ADAM29: variants seen among roughly 807,000 people sequenced by gnomAD.
The protein encoded by ADAM29 is ADAM metallopeptidase domain 29.
For synonymous variants in ADAM29, 367 were observed against 342.3 expected (o/e 1.07, Z -0.80); for missense variants, 969 against 1,001.8 (o/e 0.97, Z 0.44).
In ADAM29 at chr4:174,976,927, T is replaced by C; in HGVS notation, c.1402T>C (p.Cys468Arg). 3.7e-6 allele frequency: 6 copies of C among 1,614,082 alleles called. No individual in the cohort carries two copies. The highest frequency in any genetic ancestry group is 5.1e-6 in the Non-Finnish European group (6 of 1,180,016). Residue 468 changes from cysteine to arginine, a missense_variant, in exon 5 of 5, where the codon TGC becomes CGC. Coordinates refer to ENST00000359240, the MANE Select transcript of ADAM29 (RefSeq NM_014269.4). ...CAATGAATGTGATCTTCCAGAGTGG[T>C]GCAATGGTACTTCCCATAAGTGCCC... ...EVNECDLPEW[C>R]NGTSHKCPDD...
chr4:174,933,347 C>T (rs73869046), intron 3 of ADAM29, among the ~76,000 whole-genome samples: 25,046 of 151,908 alleles, frequency 0.16, 2,409 homozygotes, highest in East Asian at 0.26. Context: ...TTTGAAGTGA[C>T]AAAGAATACT....
chr4:174,946,169 A>G (rs1744838834), intron 4 of ADAM29, among the ~76,000 whole-genome samples: 2 of 152,124 alleles, frequency 1.3e-5, no homozygotes, highest in Admixed American at 1.3e-4. Flanking sequence ...GACTTCTTTC[A>G]GCAGTGTTAT....
At position 174,976,884 on chromosome 4, in the gene ADAM29, A is replaced by G; in HGVS notation, c.1359A>G (p.Lys453=). The G allele has an allele frequency of 6.2e-7, 1 of 1,614,166 alleles. No individual in the cohort carries two copies. The change falls in exon 5 of 5, where the codon AAA becomes AAG. Residue 453 remains lysine, a synonymous_variant. Transcript: ENST00000359240. ...ACTGCAAGTTCCTACCATCAGGGAA[A>G]GTGTGTAGAAAGGAGGTCAATGAAT... ...CKDCKFLPSG[K]VCRKEVNECD... is the part of the protein sequence containing the mutation.
At chr4:174,921,979 G>A (rs1743188959) in intron 2 of ADAM29, among the ~76,000 whole-genome samples, 1 of 152,072 alleles carries the variant, frequency 6.6e-6, no homozygotes, top group Non-Finnish European at 1.5e-5. Context: ...TTAATTTAAA[G>A]TTCAAACTCA....
At chr4:174,946,587 G>A (rs4695985) in intron 4 of ADAM29, among the ~76,000 whole-genome samples, 107,349 of 152,010 alleles carry the variant, frequency 0.71, 39,306 homozygotes, top group Middle Eastern at 0.8. Flanking sequence ...TTTCAAGGGG[G>A]ATGCTTCCAG....
intron 4 of ADAM29, among the ~76,000 whole-genome samples, chr4:174,955,778 C>G (rs1240405466): frequency 6.6e-6 from 1 of 152,008 alleles, no homozygotes; most frequent in East Asian, 1.9e-4. Context: ...TAAGCCTTTA[C>G]TAACCCTTTA....
chr4:174,947,158 G>A (rs79267686), intron 4 of ADAM29, among the ~76,000 whole-genome samples: 3,331 of 151,546 alleles, frequency 0.022, 55 homozygotes, highest in Non-Finnish European at 0.037. Flanking sequence ...AGTCTATCTA[G>A]CAGTCTATTA....
intron 3 of ADAM29, among the ~76,000 whole-genome samples, chr4:174,933,955 A>G (rs1195657849): frequency 6.6e-6 from 1 of 152,152 alleles, no homozygotes; most frequent in Admixed American, 6.6e-5. Flanking sequence ...TTGTGTCTTT[A>G]TAGGAGAATG....
At chr4:174,961,630 A>T (rs1745827140) in intron 4 of ADAM29, among the ~76,000 whole-genome samples, 1 of 152,156 alleles carries the variant, frequency 6.6e-6, no homozygotes, top group Non-Finnish European at 1.5e-5. Context: ...ATACATTCCA[A>T]ATTTAAAACA....
At chr4:174,955,316 G>A (rs1270849140) in intron 4 of ADAM29, among the ~76,000 whole-genome samples, 3 of 151,916 alleles carry the variant, frequency 2.0e-5, no homozygotes, top group Non-Finnish European at 2.9e-5. Flanking sequence ...TTCATATCCT[G>A]TGGTATTAGG....
chr4:174,976,268 T>G lies in ADAM29; in HGVS notation c.743T>G (p.Leu248Trp). The change falls in exon 5 of 5, where the codon TTG becomes TGG. Residue 248 changes from leucine to tryptophan, a missense_variant. Leu to Trp is a moderately conservative substitution (Grantham distance 61, BLOSUM62 -2). Transcript: ENST00000359240. ...VIGVKVLLFG[L>W]EIWTNKNLIV... ...GGTGTTAAGGTGTTATTATTTGGTT[T>G]GGAGATCTGGACCAATAAAAACCTC... is the stretch of plus-strand genomic sequence containing the variant. 1.9e-6 allele frequency: 3 copies of G among 1,610,240 alleles called. No homozygotes were observed. The highest frequency in any genetic ancestry group is 2.5e-6 in the Non-Finnish European group (3 of 1,178,750).
chr4:174,924,323 T>C (rs1010985579), intron 2 of ADAM29, among the ~76,000 whole-genome samples: 5 of 152,096 alleles, frequency 3.3e-5, no homozygotes, highest in Admixed American at 2.0e-4. Context: ...ATTTAAAAAA[T>C]TGGACAATAC....
In ADAM29 at chr4:174,976,394, C is replaced by T; in HGVS notation, c.869C>T (p.Thr290Ile). ...CAACATGACACCTCACATCTTTTCA[C>T]AACTCTAGGATTAAGAGGGTTAAGT... ...RMQHDTSHLF[T>I]TLGLRGLSGI... The change falls in exon 5 of 5, where the codon ACA becomes ATA. Residue 290 changes from threonine (T) to isoleucine (I), a missense_variant. Thr to Ile is a moderately conservative substitution (Grantham distance 89). Transcript: ENST00000359240. The T allele has an allele frequency of 6.3e-7, 1 of 1,598,242 alleles. No homozygotes were observed. The highest frequency in any genetic ancestry group is 1.1e-5 in the South Asian group (1 of 87,408).
rs1352068979 is a variant in ADAM29 at position 174,975,794 on chromosome 4, T to C, written c.269T>C (p.Leu90Pro). 3 of 1,614,152 alleles carry C rather than the reference T, an allele frequency of 1.9e-6. No individual in the cohort carries two copies. Among genetic ancestry groups the C allele is most frequent in the Non-Finnish European group, 2.5e-6 (3 of 1,180,026 alleles). Reference protein sequence around the residue: ...VFTYTDQGAILEDQPFVQNNC... With the variant: ...VFTYTDQGAIPEDQPFVQNNC... ...ACCTACACAGACCAGGGTGCTATCC[T>C]TGAGGACCAGCCATTTGTCCAGAAT... Residue 90 changes from leucine (L) to proline (P), a missense_variant, in exon 5 of 5, where the codon CTT (leucine) becomes CCT (proline). Coordinates refer to ENST00000359240, the MANE Select transcript of ADAM29 (RefSeq NM_014269.4).
Position 174,977,284 on chromosome 4 carries a change from C to T in ADAM29, c.1759C>T (p.His587Tyr). 6.2e-7 allele frequency: 1 copy of T among 1,613,744 alleles called. No individual in the cohort carries two copies. ...CATAATGTGCTGGAGTACTGATTAC[C>T]ATTTGGGGATGAAGGGACCTGATAT... ...NDIMCWSTDY[H>Y]LGMKGPDIGE... The change falls in exon 5 of 5, where the codon CAT (histidine) becomes TAT (tyrosine). Residue 587 changes from histidine (H) to tyrosine (Y), a missense_variant. His to Tyr is a moderately conservative substitution (Grantham distance 83, BLOSUM62 2). Coordinates refer to ENST00000359240, the MANE Select transcript of ADAM29 (RefSeq NM_014269.4).
intron 4 of ADAM29, among the ~76,000 whole-genome samples, chr4:174,954,863 A>T (rs13123653): frequency 6.6e-6 from 1 of 151,858 alleles, no homozygotes; most frequent in Non-Finnish European, 1.5e-5. Context: ...GTTTATTTTT[A>T]AATGCTCTAT....
rs980229445 is a variant in ADAM29, at chr4:174,977,673, A to G, written c.2148A>G (p.Lys716=). 1.2e-6 allele frequency: 2 copies of G among 1,614,168 alleles called. No individual in the cohort carries two copies. Among genetic ancestry groups the G allele is most frequent in the Non-Finnish European group, 8.5e-7 (1 of 1,180,064 alleles). The change falls in exon 5 of 5, where the codon AAA becomes AAG. Residue 716 remains lysine, a synonymous_variant. Transcript: ENST00000359240. ...AAGATGTTCAAACTCCATCTGCAAA[A>G]GAAGAGGAAAAAATTCAGCGTCGAC... is the stretch of plus-strand genomic sequence containing the variant. ...KQQDVQTPSA[K]EEEKIQRRPH...
Position 174,976,281 on chromosome 4 carries a change from C to A in ADAM29, c.756C>A (p.Thr252=), listed in dbSNP as rs2111120136. 6.2e-7 allele frequency: 1 copy of A among 1,610,970 alleles called. No individual in the cohort carries two copies. The highest frequency in any genetic ancestry group is 8.5e-7 in the Non-Finnish European group (1 of 1,179,108). ...KVLLFGLEIW[T]NKNLIVVDDV... is the part of the protein sequence containing the mutation. Reference sequence around the variant, plus strand: ...TATTATTTGGTTTGGAGATCTGGACCAATAAAAACCTCATTGTAGTAGATG... The same window carrying A: ...TATTATTTGGTTTGGAGATCTGGACAAATAAAAACCTCATTGTAGTAGATG... Residue 252 remains threonine (T), a synonymous_variant, in exon 5 of 5, where the codon ACC becomes ACA. Coordinates refer to ENST00000359240, the MANE Select transcript of ADAM29 (RefSeq NM_014269.4).
At chr4:174,939,729 A>C (rs1406217820) in intron 4 of ADAM29, among the ~76,000 whole-genome samples, 2 of 152,210 alleles carry the variant, frequency 1.3e-5, no homozygotes, top group Non-Finnish European at 2.9e-5. Flanking sequence ...AAGGCAGATC[A>C]GATTTCACAA....
Sources: gnomAD v4.1 joint callset for allele counts (sites outside exome capture counted in the v4.1 genomes callset) on GRCh38, gnomAD v4.1.1 for gene constraint, MANE v1.5 for transcripts, NCBI Gene and HGNC (gene_info 2026-07-23, HGNC 2026-07-21) for gene names.